REDIC1: variants seen among roughly 807,000 people sequenced by gnomAD.
REDIC1 encodes HEI10 Interacting Protein 1.
the REDIC1 span, chr12:39,819,938 A>T: frequency 6.6e-6 from 1 of 152,414 alleles, no homozygotes; most frequent in Non-Finnish European, 1.5e-5. Flanking sequence ...CTATAAAATG[A>T]CCACAGAAAA....
At chr12:39,882,134 C>T in the REDIC1 span, among the ~76,000 whole-genome samples, 2 of 152,102 alleles carry the variant, frequency 1.3e-5, no homozygotes, top group Admixed American at 6.6e-5. Context: ...CTCATTCCTG[C>T]CCCTTACCCA....
At chr12:39,809,720 T>C in the REDIC1 span, among the ~76,000 whole-genome samples, 7 of 152,126 alleles carry the variant, frequency 4.6e-5, no homozygotes, top group South Asian at 2.1e-4. Flanking sequence ...TGTGTTCTCA[T>C]TGTTCAGTTC....
chr12:39,658,210 A>G, the REDIC1 span, among the ~76,000 whole-genome samples: 1 of 151,862 alleles, frequency 6.6e-6, no homozygotes, highest in South Asian at 2.1e-4. Flanking sequence ...CCTCTTAAGT[A>G]GCTGGGATTA....
At chr12:39,790,294 T>C in the REDIC1 span, among the ~76,000 whole-genome samples, 1 of 151,572 alleles carries the variant, frequency 6.6e-6, no homozygotes, top group East Asian at 1.9e-4. Context: ...TATGTATACA[T>C]GTGCTGTGCT....
chr12:39,665,837 T>A, the REDIC1 span, among the ~76,000 whole-genome samples: 1 of 152,184 alleles, frequency 6.6e-6, no homozygotes, highest in African/African-American at 2.4e-5. Flanking sequence ...TGGAAGCAAT[T>A]GTGAATGGGA....
chr12:39,825,564 AT>A, the REDIC1 span, among the ~76,000 whole-genome samples: 1 of 152,084 alleles, frequency 6.6e-6, no homozygotes, highest in Non-Finnish European at 1.5e-5. Flanking sequence ...GGAAAGTTAC[AT>A]TTTTTCTTGA....
At chr12:39,718,168 T>A in the REDIC1 span, among the ~76,000 whole-genome samples, 1 of 152,110 alleles carries the variant, frequency 6.6e-6, no homozygotes, top group Non-Finnish European at 1.5e-5. Flanking sequence ...TTTTATGATG[T>A]TCTCTCTCTT....
At chr12:39,749,672 A>T in the REDIC1 span, among the ~76,000 whole-genome samples, 1 of 152,222 alleles carries the variant, frequency 6.6e-6, no homozygotes, top group Admixed American at 6.5e-5. Context: ...TCCTCAATAA[A>T]ATACTGGCAA....
chr12:39,765,528 C>T, the REDIC1 span, among the ~76,000 whole-genome samples: 12 of 152,044 alleles, frequency 7.9e-5, no homozygotes, highest in South Asian at 6.2e-4. Flanking sequence ...CATTCCTATC[C>T]CCTATTGTCA....
At chr12:39,775,138 T>C in the REDIC1 span, among the ~76,000 whole-genome samples, 8 of 152,140 alleles carry the variant, frequency 5.3e-5, no homozygotes, top group Non-Finnish European at 1.2e-4. Flanking sequence ...AAGATTAACA[T>C]AGATAGAGAA....
the REDIC1 span, among the ~76,000 whole-genome samples, chr12:39,890,351 T>A: frequency 2.0e-5 from 3 of 152,190 alleles, no homozygotes; most frequent in Non-Finnish European, 4.4e-5. Context: ...CAGCAGAATA[T>A]CTATCCTCAA....
the REDIC1 span, among the ~76,000 whole-genome samples, chr12:39,825,153 T>C: frequency 6.6e-6 from 1 of 152,166 alleles, no homozygotes; most frequent in African/African-American, 2.4e-5. Context: ...TGCTGTATTA[T>C]AGGAAACAAA....
chr12:39,831,667 G>T, the REDIC1 span, among the ~76,000 whole-genome samples: 3 of 152,166 alleles, frequency 2.0e-5, no homozygotes, highest in East Asian at 5.8e-4. Flanking sequence ...ATGGGGGAAA[G>T]ATCCCTCATG....
At chr12:39,712,705 ATGTATATAGACGTATACGTGTATATATG>A in the REDIC1 span, among the ~76,000 whole-genome samples, 3 of 4,822 alleles carry the variant, frequency 6.2e-4, no homozygotes, top group African/African-American at 2.7e-3. Flanking sequence ...ACGTGTATAT[ATGTATATAGACGTATACGTGTATATATG>A]TATATAGACG....
the REDIC1 span, among the ~76,000 whole-genome samples, chr12:39,730,135 A>G: frequency 1.3e-5 from 2 of 152,154 alleles, no homozygotes; most frequent in Admixed American, 6.5e-5. Flanking sequence ...GTGTCTTTTA[A>G]TTGGGGCATT....
chr12:39,799,738 G>A, the REDIC1 span, among the ~76,000 whole-genome samples: 1 of 152,088 alleles, frequency 6.6e-6, no homozygotes, highest in Admixed American at 6.5e-5. Context: ...TTAAAGTTAG[G>A]CCTATTATAC....
chr12:39,907,950 A>G, the REDIC1 span: 1 of 151,302 alleles, frequency 6.6e-6, no homozygotes, highest in East Asian at 1.9e-4. Context: ...TACGCCTCCA[A>G]AAGTTTCAGT....
the REDIC1 span, among the ~76,000 whole-genome samples, chr12:39,661,706 C>CT: frequency 3.3e-5 from 5 of 151,918 alleles, no homozygotes; most frequent in African/African-American, 1.2e-4. Context: ...CTTTTGAAGT[C>CT]TAAGTCATAA....
At chr12:39,639,957 G>C in the REDIC1 span, among the ~76,000 whole-genome samples, 1 of 151,588 alleles carries the variant, frequency 6.6e-6, no homozygotes, top group Non-Finnish European at 1.5e-5. Flanking sequence ...GTTATTAATA[G>C]AACAAATATC....
Sources: gnomAD v4.1 joint callset for allele counts (sites outside exome capture counted in the v4.1 genomes callset) on GRCh38, gnomAD v4.1.1 for gene constraint, MANE v1.5 for transcripts, NCBI Gene and HGNC (gene_info 2026-07-23, HGNC 2026-07-21) for gene names.